SIPA1L3: variants seen among roughly 807,000 people sequenced by gnomAD.
SIPA1L3 encodes signal induced proliferation associated 1 like 3, also known as signal-induced proliferation-associated 1-like protein 3.
In SIPA1L3, 59 loss-of-function variants were observed where a neutral mutation model predicts 150.1. The observed-to-expected ratio is 0.39, with a 90% CI of 0.32 to 0.49. The LOEUF (loss-of-function observed/expected upper bound fraction) is 0.49. SIPA1L3 is among the 20% of genes least tolerant of loss of function. The pLI is 0.86. For missense variants in SIPA1L3, 2,211 were observed against 2,489.5 expected, an observed-to-expected ratio of 0.89 and a Z score of 2.38; for synonymous variants, 1,070 against 1,077.6, an observed-to-expected ratio of 0.99 and a Z score of 0.14.
At chr19:38,096,242 T>A (rs998988004) in intron 4 of SIPA1L3, among the ~76,000 whole-genome samples, 1 of 152,134 alleles carries the variant, frequency 6.6e-6, no homozygotes, top group African/African-American at 2.4e-5. Context: ...ATACTTATCC[T>A]CCTTAGTCTT....
rs1969074932 is a variant in SIPA1L3 at position 38,047,013 on chromosome 19, G to A, written c.-311+17857G>A. 6.6e-6 allele frequency among the ~76,000 whole-genome samples: 1 copy of A among 152,206 alleles called. No homozygotes were observed. Among genetic ancestry groups the A allele is most frequent in the South Asian group, 2.1e-4 (1 of 4,832 alleles). The stretch of plus-strand genomic sequence containing the variant: ...AGCCAGGCGTGGTCCCCACTGCTAA[G>A]TATGTTATAGGTGTTGACCCACTTA... On this transcript the variant is annotated intron_variant, in intron 2 of 21. Transcript: ENST00000222345. This position sits in a 1 kb window ranked among gnomAD's most constrained non-coding sequence, Gnocchi z 4.7.
intron 1 of SIPA1L3, among the ~76,000 whole-genome samples, chr19:37,944,167 A>G (rs1421493677): frequency 6.6e-6 from 1 of 152,204 alleles, no homozygotes; most frequent in East Asian, 1.9e-4. Flanking sequence ...AATCCCAGCT[A>G]CTTGGGAGGC....
chr19:37,984,036 C>G (rs1198938087), intron 1 of SIPA1L3, among the ~76,000 whole-genome samples: 1 of 151,726 alleles, frequency 6.6e-6, no homozygotes, highest in East Asian at 1.9e-4. Flanking sequence ...ACTATGTGTT[C>G]TTTGTGGGAG....
chr19:37,985,978 G>A (rs554536599), intron 1 of SIPA1L3, among the ~76,000 whole-genome samples: 2 of 152,354 alleles, frequency 1.3e-5, no homozygotes, highest in South Asian at 2.1e-4. Flanking sequence ...AAGCGGTGGC[G>A]CTTTGTGCCT....
intron 1 of SIPA1L3, among the ~76,000 whole-genome samples, chr19:37,956,070 G>A (rs565332782): frequency 6.6e-6 from 1 of 152,322 alleles, no homozygotes; most frequent in Admixed American, 6.5e-5. Context: ...GCGCACTACA[G>A]TATCAAACTC....
chr19:38,108,234 C>T (rs532869391), intron 7 of SIPA1L3, among the ~76,000 whole-genome samples: 2 of 152,244 alleles, frequency 1.3e-5, no homozygotes, highest in Admixed American at 1.3e-4. Flanking sequence ...AGAGCAGTGC[C>T]TTTTCCTGAG....
chr19:38,166,226 C>T (rs1474926963), intron 15 of SIPA1L3, among the ~76,000 whole-genome samples: 1 of 150,194 alleles, frequency 6.7e-6, no homozygotes, highest in African/African-American at 2.4e-5. Flanking sequence ...GAGGCCAAGG[C>T]GGGTGGATCA....
intron 10 of SIPA1L3, among the ~76,000 whole-genome samples, chr19:38,132,587 A>G (rs1240533733): frequency 6.7e-6 from 1 of 150,196 alleles, no homozygotes; most frequent in Non-Finnish European, 1.5e-5. Flanking sequence ...TACGTCTCAA[A>G]AAAAAAAAAA....
chr19:38,065,945 A>ATTTATTTC (rs1969574478), intron 2 of SIPA1L3, among the ~76,000 whole-genome samples: 1 of 140,904 alleles, frequency 7.1e-6, no homozygotes, highest in African/African-American at 2.6e-5. Flanking sequence ...TTATTTATTT[A>ATTTATTTC]TTTTTGAGGC....
At chr19:37,990,341 G>A (rs1967472063) in intron 1 of SIPA1L3, among the ~76,000 whole-genome samples, 2 of 152,186 alleles carry the variant, frequency 1.3e-5, no homozygotes, top group South Asian at 2.1e-4. Context: ...TCATTCCTAT[G>A]TATCTTTTTG....
chr19:38,172,201 T>C (rs1024480721), intron 15 of SIPA1L3, among the ~76,000 whole-genome samples: 5 of 152,126 alleles, frequency 3.3e-5, no homozygotes, highest in Admixed American at 3.3e-4. Flanking sequence ...GGGAGGGAGA[T>C]GCAGGCCCAG....
intron 12 of SIPA1L3, among the ~76,000 whole-genome samples, chr19:38,145,951 CT>C (rs1332593513): frequency 6.6e-6 from 1 of 152,034 alleles, no homozygotes; most frequent in Non-Finnish European, 1.5e-5. Flanking sequence ...AAGCCTCACT[CT>C]TCTGGGCCCA....
chr19:37,916,463 C>A, intron 1 of SIPA1L3, among the ~76,000 whole-genome samples: 1 of 128,646 alleles, frequency 7.8e-6, no homozygotes. Flanking sequence ...ATCAAGGATA[C>A]AGTGAGCTAT....
At chr19:38,019,340 G>A (rs1968314476) in intron 1 of SIPA1L3, among the ~76,000 whole-genome samples, 1 of 152,164 alleles carries the variant, frequency 6.6e-6, no homozygotes, top group Non-Finnish European at 1.5e-5. Context: ...TGTCCTTAAG[G>A]TGGCTTCATG....
intron 6 of SIPA1L3, among the ~76,000 whole-genome samples, chr19:38,104,458 T>C (rs1424216437): frequency 1.3e-5 from 2 of 152,210 alleles, no homozygotes; most frequent in African/African-American, 4.8e-5. Flanking sequence ...TGCCGAGTGC[T>C]TCCCAGAGCT....
intron 1 of SIPA1L3, among the ~76,000 whole-genome samples, chr19:37,916,608 G>A (rs1035946316): frequency 5.9e-5 from 9 of 151,754 alleles, no homozygotes; most frequent in Non-Finnish European, 1.3e-4. Flanking sequence ...GACACTGACA[G>A]TATAAAGTTG....
chr19:38,192,142 C>T lies in SIPA1L3; in HGVS notation c.4431-3C>T, dbSNP rs751867027. Reference sequence around the variant, plus strand: ...CCCTCTGACCCTGACGCTGTCATTCCAGGCAGGTGGACACGAACACCAAAA... The same window carrying T: ...CCCTCTGACCCTGACGCTGTCATTCTAGGCAGGTGGACACGAACACCAAAA... On this transcript the variant is annotated splice_region_variant and splice_polypyrimidine_tract_variant and intron_variant, in intron 16 of 21. Coordinates refer to ENST00000222345, the MANE Select transcript of SIPA1L3 (RefSeq NM_015073.3). 23 of 1,597,120 alleles carry T rather than the reference C, an allele frequency of 1.4e-5. No individual in the cohort carries two copies. Among genetic ancestry groups the T allele is most frequent in the Non-Finnish European group, 1.8e-5 (21 of 1,172,630 alleles).
chr19:37,928,051 G>C (rs970025790), intron 1 of SIPA1L3, among the ~76,000 whole-genome samples: 1 of 152,138 alleles, frequency 6.6e-6, no homozygotes, highest in African/African-American at 2.4e-5. Context: ...TTGGTAGAAT[G>C]GTTCCTTTTC....
chr19:38,041,758 A>G (rs1391977982), intron 2 of SIPA1L3, among the ~76,000 whole-genome samples: 1 of 151,304 alleles, frequency 6.6e-6, no homozygotes, highest in Non-Finnish European at 1.5e-5. Context: ...TAAATTTTTT[A>G]TAGAGACAGG....
Sources: allele counts gnomAD v4.1 joint callset (sites outside exome capture counted in the v4.1 genomes callset), GRCh38; gene constraint gnomAD v4.1.1; non-coding constraint Gnocchi (gnomAD v3.1); transcripts MANE v1.5; gene names NCBI Gene and HGNC (gene_info 2026-07-23, HGNC 2026-07-21).